Variants in DNAJC6 observed in about 807,000 individuals in gnomAD.
DNAJC6 encodes the protein DnaJ heat shock protein family (Hsp40) member C6.
Under a neutral mutation model 110.0 loss-of-function variants are expected in DNAJC6, and 34 were observed. The ratio of observed to expected loss-of-function variants is 0.31; its 90% CI spans 0.24 to 0.41. DNAJC6 has a LOEUF of 0.41. DNAJC6 is among the 10% of genes least tolerant of loss of function. The pLI is 1.00. For synonymous variants in DNAJC6, 406 were observed against 437.2 expected (o/e 0.93, Z 0.89); for missense variants, 1,031 against 1,207.8 (o/e 0.85, Z 2.17).
intron 1 of DNAJC6, among the ~76,000 whole-genome samples, chr1:65,355,882 CTT>C (rs372078909): frequency 8.4e-5 from 7 of 82,850 alleles, no homozygotes; most frequent in African/African-American, 2.9e-4. Flanking sequence ...AACAGCATGG[CTT>C]TTTTTTTTTT....
chr1:65,281,991 A>G (rs1480007709), intron 1 of DNAJC6, among the ~76,000 whole-genome samples: 1 of 152,112 alleles, frequency 6.6e-6, no homozygotes, highest in African/African-American at 2.4e-5. Flanking sequence ...CAGTGGCACG[A>G]ACATGGCTCA....
At chr1:65,384,067 T>A in intron 5 of DNAJC6, 126 bp from the exon 6 acceptor site, 1 of 1,213,616 alleles carries the variant, frequency 8.2e-7, no homozygotes, top group South Asian at 3.1e-5. Context: ...AATTTTTAAA[T>A]GAAAAGCACC....
At chr1:65,301,897 C>T (rs1644982442) in intron 1 of DNAJC6, among the ~76,000 whole-genome samples, 1 of 151,598 alleles carries the variant, frequency 6.6e-6, no homozygotes, top group African/African-American at 2.4e-5. Flanking sequence ...GCAGGACACC[C>T]TCTGGGATGA....
intron 1 of DNAJC6, among the ~76,000 whole-genome samples, chr1:65,304,152 G>C (rs1645015678): frequency 6.6e-6 from 1 of 151,652 alleles, no homozygotes; most frequent in South Asian, 2.1e-4. Context: ...GTTACTATTA[G>C]AGCATCAAGG....
chr1:65,362,022 T>C (rs1306327119), intron 1 of DNAJC6, among the ~76,000 whole-genome samples: 1 of 152,166 alleles, frequency 6.6e-6, no homozygotes, highest in Non-Finnish European at 1.5e-5. Flanking sequence ...CAGCTTGAAA[T>C]CTTGGAAAAT....
chr1:65,337,507 C>A, intron 1 of DNAJC6, among the ~76,000 whole-genome samples: 1 of 152,022 alleles, frequency 6.6e-6, no homozygotes, highest in African/African-American at 2.4e-5. Flanking sequence ...TTTTTCTCTT[C>A]ATTTTATTAT....
At chr1:65,305,119 T>C (rs1250145801), upstream of DNAJC6, among the ~76,000 whole-genome samples, 3 of 152,282 alleles carry the variant, frequency 2.0e-5, no homozygotes, top group Admixed American at 2.0e-4. Context: ...AGACGCATTT[T>C]AGAAACCTGA....
At chr1:65,291,755 C>T (rs563650055) in intron 1 of DNAJC6, among the ~76,000 whole-genome samples, 8 of 152,146 alleles carry the variant, frequency 5.3e-5, no homozygotes, top group South Asian at 2.1e-4. Flanking sequence ...AGCAATTCTA[C>T]GAGGTAAGCA....
chr1:65,375,071 C>G (rs11805954), intron 4 of DNAJC6, among the ~76,000 whole-genome samples: 2,241 of 151,462 alleles, frequency 0.015, 55 homozygotes, highest in African/African-American at 0.051. Context: ...TCAAGCAGTT[C>G]TCCTGCCTCA....
rs1645642067 is a variant in DNAJC6 at position 65,365,950 on chromosome 1, T to G, written c.394+16T>G. On this transcript the variant is annotated intron_variant, in intron 3 of 18. Coordinates refer to ENST00000371069, the MANE Select transcript of DNAJC6 (RefSeq NM_001256864.2). ...AGAATTATTGGTAAGTTTCTCATGT[T>G]TATTAACAGTCCTTTGGCTCAGTTT... is the stretch of plus-strand genomic sequence containing the variant. 2 of 1,613,442 alleles carry G rather than the reference T, an allele frequency of 1.2e-6. No homozygotes were observed. Among genetic ancestry groups the G allele is most frequent in the Admixed American group, 3.3e-5 (2 of 59,948 alleles).
chr1:65,266,496 C>G (rs1248717588), intron 1 of DNAJC6, among the ~76,000 whole-genome samples: 1 of 152,146 alleles, frequency 6.6e-6, no homozygotes, highest in African/African-American at 2.4e-5. Context: ...TTTAATGAAG[C>G]AGCCTTAGTG....
chr1:65,302,825 G>A (rs551264241), intron 1 of DNAJC6, among the ~76,000 whole-genome samples: 2 of 152,160 alleles, frequency 1.3e-5, no homozygotes, highest in Admixed American at 6.5e-5. Flanking sequence ...GTGAGCCACC[G>A]CGCCCGGCCT....
At chr1:65,393,222 A>T (rs1427808020) in intron 12 of DNAJC6, among the ~76,000 whole-genome samples, 1 of 152,214 alleles carries the variant, frequency 6.6e-6, no homozygotes, top group Non-Finnish European at 1.5e-5. Flanking sequence ...TATTTGCCAG[A>T]CATGGAATTT....
At chr1:65,340,323 C>T (rs1233208277) in intron 1 of DNAJC6, among the ~76,000 whole-genome samples, 2 of 152,190 alleles carry the variant, frequency 1.3e-5, no homozygotes, top group Non-Finnish European at 2.9e-5. Context: ...CTTATCAGAA[C>T]AGCAATGGTA....
intron 12 of DNAJC6, among the ~76,000 whole-genome samples, chr1:65,394,609 C>T (rs915165728): frequency 6.6e-6 from 1 of 152,142 alleles, no homozygotes; most frequent in Non-Finnish European, 1.5e-5. Flanking sequence ...GGCTAGATAA[C>T]AAATAAATCC....
chr1:65,269,846 G>A (rs547620011), intron 1 of DNAJC6, among the ~76,000 whole-genome samples: 1 of 152,170 alleles, frequency 6.6e-6, no homozygotes, highest in Non-Finnish European at 1.5e-5. Context: ...TATGATTGAG[G>A]GGCGCTGCCA....
rs1175386743 is a variant in DNAJC6, at chr1:65,364,774, A to G, written c.333A>G (p.Gln111=). 2 of 1,612,458 alleles carry G rather than the reference A, an allele frequency of 1.2e-6. No individual in the cohort carries two copies. The highest frequency in any genetic ancestry group is 1.3e-5 in the African/African-American group (1 of 74,846). Residue 111 remains glutamine, a synonymous_variant, in exon 2 of 19, where the codon CAA becomes CAG. Transcript: ENST00000371069. ...AAGACACATCTTCTAGAGTGATACA[A>G]TCTGTGACCAGGTACGCACATTCTT... The part of the protein sequence containing the change: ...TLKDTSSRVI[Q]SVTSYTKGDL...
At chr1:65,346,904 C>T (rs1645441824) in intron 1 of DNAJC6, among the ~76,000 whole-genome samples, 1 of 152,072 alleles carries the variant, frequency 6.6e-6, no homozygotes, top group South Asian at 2.1e-4. Flanking sequence ...TTCAACACCA[C>T]CCCCGCTCCA....
intron 1 of DNAJC6, among the ~76,000 whole-genome samples, chr1:65,312,342 T>C (rs74591068): frequency 6.4e-4 from 98 of 152,360 alleles, no homozygotes; most frequent in African/African-American, 2.1e-3. Context: ...GATTGGACTC[T>C]GAGAGTAGGA....
Sources: gnomAD v4.1 joint callset for allele counts (sites outside exome capture counted in the v4.1 genomes callset) on GRCh38, gnomAD v4.1.1 for gene constraint, MANE v1.5 for transcripts, NCBI Gene and HGNC (gene_info 2026-07-23, HGNC 2026-07-21) for gene names.